PGBD5: variants seen among roughly 807,000 people sequenced by gnomAD.
PGBD5 encodes the protein piggyBac transposable element-derived protein 5.
Under a neutral mutation model 47.9 loss-of-function variants are expected in PGBD5, and 14 were observed. The observed-to-expected ratio is 0.29, with a 90% CI of 0.19 to 0.46. PGBD5 has a LOEUF of 0.46. Among genes scored for constraint, PGBD5 ranks in the 20% least tolerant of loss-of-function variants. PGBD5 has a pLI of 1.00. For synonymous variants in PGBD5, 316 were observed against 306.3 expected (o/e 1.03, Z -0.33); for missense variants, 635 against 716.0 (o/e 0.89, Z 1.29).
In PGBD5 at chr1:230,322,470, T is replaced by A. The variant is rs1667047902; in HGVS notation, c.*955A>T. 1 of 152,450 alleles carries A rather than the reference T, an allele frequency of 6.6e-6. No homozygotes were observed. The highest frequency in any genetic ancestry group is 2.1e-4 in the South Asian group (1 of 4,836). The allele number at this position is 152,450 out of a possible 1,614,324, so 9.4% of individuals were successfully genotyped here. On this transcript the variant is annotated 3_prime_UTR_variant, in exon 7 of 7. Coordinates refer to ENST00000391860, the MANE Select transcript of PGBD5 (RefSeq NM_001258311.2). The surrounding 1 kb of genome is among the most constrained non-coding windows in gnomAD (Gnocchi z 5.9). The stretch of plus-strand genomic sequence containing the variant: ...TTGTGTGTTTCAGCAATGCTACTTA[T>A]TTTTCAAGACAAGTAATTCTGCCAA...
At chr1:230,413,416 C>T (rs1657453503) in intron 1 of PGBD5, among the ~76,000 whole-genome samples, 1 of 151,994 alleles carries the variant, frequency 6.6e-6, no homozygotes, top group Non-Finnish European at 1.5e-5. Context: ...GGGAGGATTG[C>T]TTGGGCCTGG....
chr1:230,388,232 C>T (rs1007195685), intron 1 of PGBD5, among the ~76,000 whole-genome samples: 1 of 152,256 alleles, frequency 6.6e-6, no homozygotes, highest in East Asian at 1.9e-4. Context: ...AGGACGAGAG[C>T]GGACACGCCT....
In PGBD5 at chr1:230,317,236, C is replaced by T. The variant is rs1335477564; in HGVS notation, c.*6189G>A. 3 of 152,318 alleles carry T rather than the reference C, an allele frequency of 2.0e-5. No individual in the cohort carries two copies. Among genetic ancestry groups the T allele is most frequent in the Non-Finnish European group, 4.4e-5 (3 of 68,116 alleles). The allele number at this position is 152,318 out of a possible 1,614,324, so 9.4% of individuals were successfully genotyped here. On this transcript the variant is annotated 3_prime_UTR_variant, in exon 7 of 7. Transcript: ENST00000391860. Reference sequence around the variant, plus strand: ...GGTAACACGTGCCCAGTTCTTAGCACAATGCCTGGCCTGTAGCAGTTCAGA... The same window carrying T: ...GGTAACACGTGCCCAGTTCTTAGCATAATGCCTGGCCTGTAGCAGTTCAGA...
chr1:230,372,492 C>T (rs139330232), intron 1 of PGBD5, among the ~76,000 whole-genome samples: 2 of 152,192 alleles, frequency 1.3e-5, no homozygotes, highest in African/African-American at 4.8e-5. Flanking sequence ...CATCATCCCA[C>T]GAATGTTCTC....
chr1:230,401,721 C>T (rs1265062382), intron 1 of PGBD5, among the ~76,000 whole-genome samples: 2 of 152,226 alleles, frequency 1.3e-5, no homozygotes, highest in South Asian at 2.1e-4. Context: ...CTCAGGCCTC[C>T]GGCCACATTC....
chr1:230,399,448 C>T (rs1369520638), intron 1 of PGBD5, among the ~76,000 whole-genome samples: 2 of 152,192 alleles, frequency 1.3e-5, no homozygotes, highest in East Asian at 1.9e-4. Flanking sequence ...TACCTGCAGA[C>T]CTAACCCCTT....
At chr1:230,355,867 C>T (rs1667636799) in intron 2 of PGBD5, among the ~76,000 whole-genome samples, 1 of 152,110 alleles carries the variant, frequency 6.6e-6, no homozygotes, top group Non-Finnish European at 1.5e-5. Context: ...GAGAACGATC[C>T]AGAGAGAATG....
chr1:230,366,140 G>A (rs957399032), intron 1 of PGBD5, among the ~76,000 whole-genome samples: 2 of 152,190 alleles, frequency 1.3e-5, no homozygotes, highest in Non-Finnish European at 2.9e-5. Flanking sequence ...TGTGAGTCCT[G>A]CCATGCCTAT....
intron 3 of PGBD5, among the ~76,000 whole-genome samples, chr1:230,340,873 T>G (rs1355689881): frequency 6.6e-6 from 1 of 152,106 alleles, no homozygotes; most frequent in Non-Finnish European, 1.5e-5. Flanking sequence ...TTACTCAGCC[T>G]CGTGTCCACA....
chr1:230,408,631 A>G (rs1282504626), intron 1 of PGBD5, among the ~76,000 whole-genome samples: 2 of 152,214 alleles, frequency 1.3e-5, no homozygotes, highest in Non-Finnish European at 2.9e-5. Flanking sequence ...AGTTTTTTTC[A>G]ATTAATGGTG....
intron 1 of PGBD5, among the ~76,000 whole-genome samples, chr1:230,412,365 G>A (rs1221447376): frequency 6.6e-6 from 1 of 151,686 alleles, no homozygotes; most frequent in East Asian, 1.9e-4. Context: ...ATTCATTAAG[G>A]GGAAATGGAT....
chr1:230,377,590 A>T (rs144126968), intron 1 of PGBD5: 23 of 1,586,556 alleles, frequency 1.4e-5, no homozygotes, highest in Non-Finnish European at 1.9e-5. Context: ...AGTACTTTGC[A>T]CGAAGAGAGC....
intron 1 of PGBD5, among the ~76,000 whole-genome samples, chr1:230,420,374 C>T (rs1657620060): frequency 6.6e-6 from 1 of 152,198 alleles, no homozygotes; most frequent in Admixed American, 6.5e-5. Flanking sequence ...AGCACATATT[C>T]TGTATGTCAA....
intron 3 of PGBD5, among the ~76,000 whole-genome samples, chr1:230,342,209 G>A (rs1667416337): frequency 6.6e-6 from 1 of 152,166 alleles, no homozygotes; most frequent in Non-Finnish European, 1.5e-5. Flanking sequence ...GTTCCACTAA[G>A]CTGTTGCTGG....
chr1:230,401,427 G>A (rs1162257676), intron 1 of PGBD5, among the ~76,000 whole-genome samples: 1 of 152,168 alleles, frequency 6.6e-6, no homozygotes, highest in Non-Finnish European at 1.5e-5. Context: ...GTCACATGAG[G>A]GCCTGATCTG....
At chr1:230,402,047 A>G (rs559710644) in intron 1 of PGBD5, among the ~76,000 whole-genome samples, 10 of 152,272 alleles carry the variant, frequency 6.6e-5, no homozygotes, top group African/African-American at 2.4e-4. Context: ...GGTGACAGGG[A>G]GGGGGAGAGA....
chr1:230,337,214 G>T lies in PGBD5; in HGVS notation c.969C>A (p.Ser323Arg). ...TCCGGCACAGGCTCCTGGCCACCATGCTGTGGAGCTGGGGCTTATTCTTCA... is the reference window on the plus strand; with the variant it reads ...TCCGGCACAGGCTCCTGGCCACCATTCTGTGGAGCTGGGGCTTATTCTTCA... ...DALKNKPQLHSMVARSLCRNA... is the reference protein window; with the variant it reads ...DALKNKPQLHRMVARSLCRNA... Residue 323 changes from serine to arginine, a missense_variant, in exon 4 of 7, where the codon AGC (serine) becomes AGA (arginine). By Grantham distance (110) the Ser-to-Arg change is moderately radical. Transcript: ENST00000391860. 1 of 1,614,178 alleles carries T rather than the reference G, an allele frequency of 6.2e-7. No homozygotes were observed. Among genetic ancestry groups the T allele is most frequent in the East Asian group, 2.2e-5 (1 of 44,884 alleles).
At chr1:230,345,323 G>A (rs529218442) in intron 3 of PGBD5, among the ~76,000 whole-genome samples, 2 of 152,316 alleles carry the variant, frequency 1.3e-5, no homozygotes, top group East Asian at 1.9e-4. Context: ...CAGCCTCAGC[G>A]TCTTGGATTG....
chr1:230,349,468 G>A (rs2102700260), intron 3 of PGBD5, among the ~76,000 whole-genome samples: 1 of 148,700 alleles, frequency 6.7e-6, no homozygotes, highest in Middle Eastern at 3.5e-3. Context: ...CTGGGAAGTT[G>A]AGGGTGAAGT....
Sources: allele counts gnomAD v4.1 joint callset (sites outside exome capture counted in the v4.1 genomes callset), GRCh38; gene constraint gnomAD v4.1.1; non-coding constraint Gnocchi (gnomAD v3.1); transcripts MANE v1.5; gene names NCBI Gene and HGNC (gene_info 2026-07-23, HGNC 2026-07-21).